Variants in YWHAE observed in about 807,000 individuals in gnomAD.
YWHAE encodes 14-3-3 protein epsilon.
In YWHAE, 4 loss-of-function variants were observed where a neutral mutation model predicts 30.1. The observed-to-expected ratio is 0.13, with a 90% confidence interval of 0.07 to 0.30. The LOEUF (loss-of-function observed/expected upper bound fraction) is 0.30, where lower values mean the gene tolerates loss of function less well. YWHAE is among the 10% of genes least tolerant of loss of function. YWHAE has a pLI of 1.00. For missense variants in YWHAE, 121 were observed against 315.9 expected (o/e 0.38, Z 4.68); for synonymous variants, 118 against 111.8 (o/e 1.06, Z -0.35).
chr17:1,373,469 TC>T (rs2073073784), intron 1 of YWHAE, among the ~76,000 whole-genome samples: 1 of 150,916 alleles, frequency 6.6e-6, no homozygotes, highest in Non-Finnish European at 1.5e-5. Flanking sequence ...ATGGAGACCA[TC>T]CTGGCTAACA....
intron 4 of YWHAE, among the ~76,000 whole-genome samples, chr17:1,359,096 ACTGCACTC>A (rs2072810730): frequency 6.6e-6 from 1 of 151,926 alleles, no homozygotes; most frequent in Non-Finnish European, 1.5e-5. Flanking sequence ...AGATCACGCC[ACTGCACTC>A]CAGCCTGGGT....
At chr17:1,369,771 G>A (rs1305344630) in intron 1 of YWHAE, 2 of 152,142 alleles carry the variant, frequency 1.3e-5, no homozygotes, top group African/African-American at 4.8e-5. Flanking sequence ...AATAAAGCAA[G>A]TCACATGAAT....
chr17:1,395,049 G>C (rs1451280975), intron 1 of YWHAE, among the ~76,000 whole-genome samples: 2 of 151,486 alleles, frequency 1.3e-5, no homozygotes, highest in Non-Finnish European at 2.9e-5. Context: ...GAAATATAAA[G>C]AAAAAATATG....
At chr17:1,350,569 G>C (rs2072612474) in intron 5 of YWHAE, among the ~76,000 whole-genome samples, 1 of 151,648 alleles carries the variant, frequency 6.6e-6, no homozygotes, top group South Asian at 2.1e-4. Flanking sequence ...AGCCTCCTGA[G>C]TAGCAGGGAT....
chr17:1,346,163 A>G (rs1163210770), intron 5 of YWHAE, among the ~76,000 whole-genome samples: 1 of 152,216 alleles, frequency 6.6e-6, no homozygotes, highest in Non-Finnish European at 1.5e-5. Flanking sequence ...TTTTGCCTTT[A>G]AAGAGGGTGA....
chr17:1,357,265 T>C (rs1434842145), intron 4 of YWHAE, among the ~76,000 whole-genome samples: 1 of 151,596 alleles, frequency 6.6e-6, no homozygotes, highest in Non-Finnish European at 1.5e-5. Flanking sequence ...TAGCCGGGCG[T>C]GGTGGCGGGC....
intron 1 of YWHAE, among the ~76,000 whole-genome samples, chr17:1,370,861 A>G (rs546871124): frequency 2.0e-5 from 3 of 151,706 alleles, no homozygotes; most frequent in Admixed American, 6.6e-5. Flanking sequence ...TCAGCCGGGC[A>G]TGGTGGCGGG....
intron 4 of YWHAE, 66 bp from the exon 5 acceptor site, chr17:1,354,413 TAG>T (rs2072692723): frequency 6.7e-7 from 1 of 1,483,730 alleles, no homozygotes; most frequent in African/African-American, 1.4e-5. Flanking sequence ...AATGACATGC[TAG>T]ACAGCAATCT....
intron 2 of YWHAE, among the ~76,000 whole-genome samples, chr17:1,364,341 C>T (rs545728635): frequency 6.6e-6 from 1 of 151,966 alleles, no homozygotes; most frequent in Non-Finnish European, 1.5e-5. Context: ...ATTCTCCTGC[C>T]TCAGCCTCCC....
chr17:1,358,208 G>A (rs2072790901), intron 4 of YWHAE, among the ~76,000 whole-genome samples: 2 of 151,976 alleles, frequency 1.3e-5, no homozygotes, highest in African/African-American at 2.4e-5. Context: ...CGGCAACACA[G>A]CCAGACCCTG....
At chr17:1,386,767 C>T (rs184324245) in intron 1 of YWHAE, among the ~76,000 whole-genome samples, 1 of 152,060 alleles carries the variant, frequency 6.6e-6, no homozygotes, top group African/African-American at 2.4e-5. Flanking sequence ...CTGGCCAACA[C>T]GGTGAAACAC....
intron 1 of YWHAE, among the ~76,000 whole-genome samples, chr17:1,373,469 T>C (rs1007126427): frequency 2.0e-5 from 3 of 150,916 alleles, no homozygotes; most frequent in Non-Finnish European, 3.0e-5. Context: ...ATGGAGACCA[T>C]CCTGGCTAAC....
chr17:1,361,202 A>G lies in YWHAE; in HGVS notation c.468T>C (p.Ser156=). ...ENSLVAYKAA[S]DIAMTELPPT... ...GTGGAAGTTCTGTCATTGCAATATC[A>G]CTAGCAGCTTTATAAGCCACTAGGC... The change falls in exon 4 of 6, where the codon AGT becomes AGC. Residue 156 remains serine (S), a synonymous_variant. Transcript: ENST00000264335. 1 of 1,613,964 alleles carries G rather than the reference A, an allele frequency of 6.2e-7. No homozygotes were observed. The highest frequency in any genetic ancestry group is 8.5e-7 in the Non-Finnish European group (1 of 1,179,994).
At chr17:1,373,679 AG>A (rs1001431971) in intron 1 of YWHAE, among the ~76,000 whole-genome samples, 7 of 151,964 alleles carry the variant, frequency 4.6e-5, no homozygotes, top group African/African-American at 1.7e-4. Context: ...AAAAAAAAAA[AG>A]AAAAGTTTGA....
rs1013491361 is a variant in YWHAE, at chr17:1,349,683, G to C, written c.716-4184C>G. Among the ~76,000 whole-genome samples, 242 of 149,774 alleles carry C rather than the reference G, an allele frequency of 1.6e-3. 1 individual carries two copies. Among genetic ancestry groups the C allele is most frequent in the African/African-American group, 5.5e-3 (222 of 40,658 alleles). The stretch of plus-strand genomic sequence containing the variant: ...GGCTGGAGTGCAGTGGTGCTATCTC[G>C]GCTCACTGCAAGCTCCGCCTCTGGG... On this transcript the variant is annotated intron_variant, in intron 5 of 5. Coordinates refer to ENST00000264335, the MANE Select transcript of YWHAE (RefSeq NM_006761.5).
intron 1 of YWHAE, among the ~76,000 whole-genome samples, chr17:1,395,857 G>A (rs2073462683): frequency 6.6e-6 from 1 of 152,176 alleles, no homozygotes; most frequent in South Asian, 2.1e-4. Context: ...AGTGGCTCAC[G>A]CCTGTAACCC....
rs185827532 is a variant in YWHAE, at chr17:1,377,926, G to A, written c.65-12868C>T. 6.8e-4 allele frequency among the ~76,000 whole-genome samples: 104 copies of A among 152,142 alleles called. 2 individuals are homozygous for A. The highest frequency in any genetic ancestry group is 2.4e-3 in the African/African-American group (101 of 41,438). On this transcript the variant is annotated intron_variant, in intron 1 of 5. Coordinates refer to ENST00000264335, the MANE Select transcript of YWHAE (RefSeq NM_006761.5). ...TAGCTGGGCATGGTGGCGGGTGCCT[G>A]TAATCCCAGCTACTCGGGAGGCTGA... is the stretch of plus-strand genomic sequence containing the variant.
intron 1 of YWHAE, among the ~76,000 whole-genome samples, 197 bp from the exon 2 acceptor site, chr17:1,365,255 C>T (rs557434562): frequency 1.5e-5 from 1 of 65,962 alleles, no homozygotes; most frequent in East Asian, 2.6e-4. Context: ...TACAAAGACT[C>T]CAGAAGGTAG....
chr17:1,383,924 G>C (rs916630150), intron 1 of YWHAE, among the ~76,000 whole-genome samples: 4 of 151,970 alleles, frequency 2.6e-5, no homozygotes, highest in African/African-American at 7.3e-5. Flanking sequence ...AGCCGAAGAG[G>C]GCTGGGCACA....
Sources: gnomAD v4.1 joint callset for allele counts (sites outside exome capture counted in the v4.1 genomes callset) on GRCh38, gnomAD v4.1.1 for gene constraint, MANE v1.5 for transcripts, NCBI Gene and HGNC (gene_info 2026-07-23, HGNC 2026-07-21) for gene names.